Variants in GALNTL6 observed in about 807,000 individuals in gnomAD.
The protein encoded by GALNTL6 is polypeptide N-acetylgalactosaminyltransferase-like 6.
Under a neutral mutation model 73.7 loss-of-function variants are expected in GALNTL6, and 46 were observed. That is an observed-to-expected ratio of 0.62 (90% CI 0.49 to 0.80). The LOEUF is 0.80. Among genes scored for constraint, GALNTL6 ranks in the 30% least tolerant of loss-of-function variants. The probability of loss-of-function intolerance (pLI) is 0.00; values close to 1 mark genes in which losing one functional copy is unlikely to be tolerated. For synonymous variants in GALNTL6, 259 were observed against 263.7 expected (o/e 0.98, Z 0.17); for missense variants, 604 against 755.0 (o/e 0.80, Z 2.34).
In GALNTL6 at chr4:171,967,265, G is replaced by T. The variant is rs1739411512; in HGVS notation, c.138+152547G>T. Among the ~76,000 whole-genome samples, 4 of 152,268 alleles carry T rather than the reference G, an allele frequency of 2.6e-5. No individual in the cohort carries two copies. In the South Asian group the frequency reaches 8.3e-4, roughly 32 times the overall value. On this transcript the variant is annotated intron_variant, in intron 2 of 12. Coordinates refer to ENST00000506823, the MANE Select transcript of GALNTL6 (RefSeq NM_001034845.3). ...TGAGTACCGTGTTGAATGTCAACAG[G>T]TGTGCTTGTTTCATGTTTGGGCTTT...
intron 7 of GALNTL6, among the ~76,000 whole-genome samples, chr4:172,841,441 C>A (rs1333350020): frequency 1.3e-5 from 2 of 152,162 alleles, no homozygotes; most frequent in Non-Finnish European, 2.9e-5. Flanking sequence ...GGTTCCCAGG[C>A]AGCCCCAAAG....
chr4:172,607,417 A>G (rs543839239), intron 5 of GALNTL6, among the ~76,000 whole-genome samples: 5,311 of 152,248 alleles, frequency 0.035, 250 homozygotes, highest in African/African-American at 0.1. Flanking sequence ...TTCCTGTGTT[A>G]GTTCACTTAG....
At chr4:172,559,058 ATTTTTTTTTTTTTT>A in intron 5 of GALNTL6, among the ~76,000 whole-genome samples, 1 of 77,386 alleles carries the variant, frequency 1.3e-5, no homozygotes, top group East Asian at 4.6e-4. Context: ...ATGATAATGG[ATTTTTTTTTTTTTT>A]TTTTTTTTTT....
chr4:172,581,215 C>T (rs1015479714), intron 5 of GALNTL6, among the ~76,000 whole-genome samples: 7 of 152,176 alleles, frequency 4.6e-5, no homozygotes, highest in Admixed American at 2.0e-4. Context: ...TGCCATAAAG[C>T]AAATGTAGTA....
At chr4:172,986,975 A>C (rs1000930245) in intron 10 of GALNTL6, among the ~76,000 whole-genome samples, 4 of 152,342 alleles carry the variant, frequency 2.6e-5, no homozygotes, top group Admixed American at 2.6e-4. Flanking sequence ...GTCAGTCCAA[A>C]CTGTAGAACA....
chr4:171,879,557 AC>A (rs1323224082), intron 2 of GALNTL6, among the ~76,000 whole-genome samples: 1 of 152,232 alleles, frequency 6.6e-6, no homozygotes, highest in African/African-American at 2.4e-5. Flanking sequence ...ATTTTAGTAC[AC>A]ATGAATATGA....
At chr4:172,767,959 C>T (rs902243387) in intron 5 of GALNTL6, among the ~76,000 whole-genome samples, 2 of 152,020 alleles carry the variant, frequency 1.3e-5, no homozygotes, top group South Asian at 2.1e-4. Context: ...TGAGCCACTG[C>T]GCCTGGCCGA....
At chr4:172,546,797 CG>C (rs1735775403) in intron 5 of GALNTL6, among the ~76,000 whole-genome samples, 1 of 36,682 alleles carries the variant, frequency 2.7e-5, no homozygotes, top group African/African-American at 8.8e-5. Context: ...TATATATATA[CG>C]TATATATACG....
At chr4:172,017,541 C>T (rs1560886824) in intron 2 of GALNTL6, among the ~76,000 whole-genome samples, 1 of 152,012 alleles carries the variant, frequency 6.6e-6, no homozygotes, top group Non-Finnish European at 1.5e-5. Flanking sequence ...TCTCCAAGAC[C>T]CCTCACAATC....
At chr4:172,865,608 C>T (rs959486535) in intron 7 of GALNTL6, among the ~76,000 whole-genome samples, 6 of 152,288 alleles carry the variant, frequency 3.9e-5, no homozygotes, top group African/African-American at 1.4e-4. Flanking sequence ...GCTTTGCAAA[C>T]TTTTAAAATA....
At chr4:171,984,922 G>A (rs1234200993) in intron 2 of GALNTL6, among the ~76,000 whole-genome samples, 2 of 151,824 alleles carry the variant, frequency 1.3e-5, no homozygotes, top group Admixed American at 6.6e-5. Context: ...GGAGGTCGAG[G>A]CAGGTAGATC....
At chr4:172,386,754 T>C (rs1286495180) in intron 5 of GALNTL6, among the ~76,000 whole-genome samples, 1 of 152,100 alleles carries the variant, frequency 6.6e-6, no homozygotes, top group Admixed American at 6.6e-5. Context: ...TGTCCCATTT[T>C]CAGAAGAGGG....
chr4:172,690,926 A>T (rs1459051525), intron 5 of GALNTL6, among the ~76,000 whole-genome samples: 1 of 152,192 alleles, frequency 6.6e-6, no homozygotes, highest in Non-Finnish European at 1.5e-5. Flanking sequence ...AGATTTCTGT[A>T]GAGGGAGTAT....
intron 5 of GALNTL6, among the ~76,000 whole-genome samples, chr4:172,581,777 T>C (rs1737200755): frequency 1.3e-5 from 2 of 152,176 alleles, no homozygotes; most frequent in South Asian, 4.1e-4. Flanking sequence ...AGGAAAATTG[T>C]TCCCAACAGG....
intron 5 of GALNTL6, among the ~76,000 whole-genome samples, chr4:172,791,969 G>A (rs1158238416): frequency 2.0e-5 from 3 of 152,166 alleles, no homozygotes; most frequent in Admixed American, 2.0e-4. Flanking sequence ...AAGCTCCTAA[G>A]CCCTCCATGC....
chr4:171,909,573 G>C (rs924975012), intron 2 of GALNTL6, among the ~76,000 whole-genome samples: 1 of 152,098 alleles, frequency 6.6e-6, no homozygotes, highest in Non-Finnish European at 1.5e-5. Context: ...ACAAGCCAAA[G>C]GTCTAATGTA....
intron 10 of GALNTL6, among the ~76,000 whole-genome samples, chr4:173,006,126 A>G (rs1752270514): frequency 6.6e-6 from 1 of 152,128 alleles, no homozygotes; most frequent in South Asian, 2.1e-4. Flanking sequence ...TGTGAGTTCA[A>G]ATGCCAGCCG....
Position 172,078,761 on chromosome 4 carries a change from AT to A in GALNTL6, c.139-150893del, listed in dbSNP as rs370012950. 3.9e-5 allele frequency among the ~76,000 whole-genome samples: 6 copies of A among 152,296 alleles called. No homozygotes were observed. The East Asian group carries it at 1.2e-3, about 29-fold the overall frequency. On this transcript the variant is annotated intron_variant, in intron 2 of 12. Transcript: ENST00000506823. ...TCTTGTCTTTGAGGGAAAAGGGTGT[AT>A]TCGTATCTTTTTTATAGGGAACTGA... is the stretch of plus-strand genomic sequence containing the variant.
At chr4:172,131,757 G>C (rs1390801024) in intron 2 of GALNTL6, among the ~76,000 whole-genome samples, 3 of 151,732 alleles carry the variant, frequency 2.0e-5, no homozygotes, top group Admixed American at 6.6e-5. Context: ...CTTGGGAGTA[G>C]AGATTGTTTG....
Sources: allele counts gnomAD v4.1 joint callset (sites outside exome capture counted in the v4.1 genomes callset), GRCh38; gene constraint gnomAD v4.1.1; transcripts MANE v1.5; gene names NCBI Gene and HGNC (gene_info 2026-07-23, HGNC 2026-07-21).